KLF12: variants seen among roughly 807,000 people sequenced by gnomAD.
KLF12 encodes Krueppel-like factor 12.
In KLF12, 9 loss-of-function variants were observed where a neutral mutation model predicts 37.8. That is an observed-to-expected ratio of 0.24 (90% confidence interval 0.14 to 0.42). The LOEUF is 0.42. Ranked by LOEUF, KLF12 falls within the 10% of genes least tolerant of loss-of-function variation. The pLI is 1.00. For missense variants in KLF12, 411 were observed against 516.0 expected (o/e 0.80, Z 1.97); for synonymous variants, 208 against 202.1 (o/e 1.03, Z -0.25).
rs1174375696 is a variant in KLF12 at position 74,062,123 on chromosome 13, T to C, written c.-31-67070A>G. 3.3e-5 allele frequency among the ~76,000 whole-genome samples: 5 copies of C among 152,114 alleles called. No individual in the cohort carries two copies. The East Asian group carries it at 5.8e-4, about 18-fold the overall frequency. ...TCATTGCTAAATCAGGGTTGAATTC[T>C]GGCAGCTTTCATAGCCCTGACCCCT... On this transcript the variant is annotated intron_variant, in intron 1 of 7. Coordinates refer to ENST00000377669, the MANE Select transcript of KLF12 (RefSeq NM_007249.5).
the KLF12 span, among the ~76,000 whole-genome samples, chr13:74,229,383 GT>G: frequency 6.6e-6 from 1 of 152,150 alleles, no homozygotes; most frequent in Non-Finnish European, 1.5e-5. Context: ...ATTATTCGTG[GT>G]TTTGAACATG....
chr13:74,261,624 T>TA, the KLF12 span, among the ~76,000 whole-genome samples: 1 of 152,214 alleles, frequency 6.6e-6, no homozygotes, highest in African/African-American at 2.4e-5. Context: ...ACACAACAGA[T>TA]ATATATGATT....
chr13:74,239,322 C>A, the KLF12 span, among the ~76,000 whole-genome samples: 1 of 149,160 alleles, frequency 6.7e-6, no homozygotes, highest in African/African-American at 2.5e-5. Context: ...GTTATAATTT[C>A]TGTTCTTTTA....
chr13:74,164,009 G>A, the KLF12 span, among the ~76,000 whole-genome samples: 8 of 152,128 alleles, frequency 5.3e-5, no homozygotes, highest in East Asian at 3.9e-4. Context: ...TGAAGATGAC[G>A]CAGGTAAATT....
intron 6 of KLF12, among the ~76,000 whole-genome samples, chr13:73,750,179 C>T (rs1878645069): frequency 6.6e-6 from 1 of 152,210 alleles, no homozygotes; most frequent in Non-Finnish European, 1.5e-5. Flanking sequence ...TTGCTATCCT[C>T]TGAATTTGAG....
intron 1 of KLF12, among the ~76,000 whole-genome samples, chr13:74,081,036 C>T (rs772719016): frequency 1.3e-5 from 2 of 152,196 alleles, no homozygotes; most frequent in Non-Finnish European, 2.9e-5. Flanking sequence ...GGTGTGCAAA[C>T]ATTCAGAAAG....
chr13:74,061,075 G>T (rs1873565581), intron 1 of KLF12, among the ~76,000 whole-genome samples: 1 of 152,188 alleles, frequency 6.6e-6, no homozygotes, highest in Admixed American at 6.5e-5. Flanking sequence ...AGGCCTTGAG[G>T]CATTGTACAA....
chr13:74,040,189 C>T (rs1367104223), intron 1 of KLF12, among the ~76,000 whole-genome samples: 2 of 152,192 alleles, frequency 1.3e-5, no homozygotes, highest in Admixed American at 6.5e-5. Flanking sequence ...GTGATAGCCA[C>T]AGACTAAGGG....
intron 1 of KLF12, among the ~76,000 whole-genome samples, chr13:74,107,940 T>C (rs927685939): frequency 2.0e-5 from 3 of 152,342 alleles, no homozygotes; most frequent in Non-Finnish European, 4.4e-5. Flanking sequence ...ATTAGACAAT[T>C]TGTCTTAGTA....
intron 4 of KLF12, among the ~76,000 whole-genome samples, chr13:73,815,466 T>TTG (rs1883164997): frequency 1.3e-5 from 2 of 152,168 alleles, no homozygotes; most frequent in Admixed American, 1.3e-4. Context: ...AGGAATGACT[T>TTG]TGTGTAATAA....
chr13:74,104,420 C>T (rs12862577), intron 1 of KLF12, among the ~76,000 whole-genome samples: 2,962 of 152,324 alleles, frequency 0.019, 50 homozygotes, highest in Middle Eastern at 0.034. Context: ...TCATTAAAGA[C>T]TGTCCTTCAA....
rs1167094931 is a variant in KLF12 at position 73,689,884 on chromosome 13, C to G, written c.*5606G>C. On this transcript the variant is annotated 3_prime_UTR_variant, in exon 8 of 8. Transcript: ENST00000377669. The stretch of plus-strand genomic sequence containing the variant: ...ACTTTTTGAATCATACATACTGTTT[C>G]ATAAGTTTGGGGCAAATGACAGTCA... The G allele has an allele frequency of 6.6e-6, 1 of 152,114 alleles. No homozygotes were observed. The highest frequency in any genetic ancestry group is 1.5e-5 in the Non-Finnish European group (1 of 68,020). The allele number at this position is 152,114 out of a possible 1,614,324, so 9.4% of individuals were successfully genotyped here.
chr13:74,088,696 T>C (rs996684868), intron 1 of KLF12, among the ~76,000 whole-genome samples: 5 of 152,240 alleles, frequency 3.3e-5, no homozygotes, highest in Admixed American at 2.0e-4. Flanking sequence ...CCCTCTGCCA[T>C]TATACAGATC....
chr13:73,777,032 ACAG>A (rs1880649776), intron 5 of KLF12, among the ~76,000 whole-genome samples: 1 of 152,188 alleles, frequency 6.6e-6, no homozygotes, highest in South Asian at 2.1e-4. Context: ...AATTCTGCAA[ACAG>A]AAGAAGAGTT....
At chr13:73,920,609 T>G (rs1455693437) in intron 3 of KLF12, among the ~76,000 whole-genome samples, 2 of 152,118 alleles carry the variant, frequency 1.3e-5, no homozygotes, top group African/African-American at 4.8e-5. Context: ...AGGCTCTTAG[T>G]TCCCCCATTC....
the KLF12 span, among the ~76,000 whole-genome samples, chr13:74,297,546 A>G: frequency 2.3e-4 from 35 of 152,172 alleles, no homozygotes; most frequent in Admixed American, 6.6e-5. Context: ...GGGCAGCTGT[A>G]TTTTGCCCCC....
At chr13:74,232,623 T>C in the KLF12 span, among the ~76,000 whole-genome samples, 1 of 152,204 alleles carries the variant, frequency 6.6e-6, no homozygotes, top group African/African-American at 2.4e-5. Flanking sequence ...GTTTTTACAC[T>C]CTGAAAATTG....
intron 1 of KLF12, among the ~76,000 whole-genome samples, chr13:74,123,089 C>T (rs929964793): frequency 4.6e-5 from 7 of 151,606 alleles, no homozygotes; most frequent in Non-Finnish European, 7.4e-5. Context: ...TATTTTCTAA[C>T]GATCTTCAGT....
intron 1 of KLF12, among the ~76,000 whole-genome samples, chr13:74,009,268 A>G (rs895273773): frequency 6.6e-6 from 1 of 152,244 alleles, no homozygotes; most frequent in African/African-American, 2.4e-5. Flanking sequence ...ATTACTTACA[A>G]TAGTATTTCA....
Sources: allele counts gnomAD v4.1 joint callset (sites outside exome capture counted in the v4.1 genomes callset), GRCh38; gene constraint gnomAD v4.1.1; transcripts MANE v1.5; gene names NCBI Gene and HGNC (gene_info 2026-07-23, HGNC 2026-07-21).